Variants in MTMR1 observed in about 807,000 individuals in gnomAD.
MTMR1 encodes phosphatidylinositol-3-phosphate phosphatase MTMR1.
A neutral mutation model predicts 51.6 loss-of-function variants in MTMR1; 17 were observed. That is an observed-to-expected ratio of 0.33 (90% confidence interval 0.23 to 0.49). The LOEUF is 0.49. Ranked by LOEUF, MTMR1 falls within the 20% of genes least tolerant of loss-of-function variation. The pLI is 0.99. For missense variants in MTMR1, 386 were observed against 526.9 expected (o/e 0.73, Z 2.62); for synonymous variants, 201 against 205.6 (o/e 0.98, Z 0.19).
intron 14 of MTMR1, among the ~76,000 whole-genome samples, chrX:150,753,103 G>A (rs1285019616): frequency 8.9e-6 from 1 of 111,932 alleles, no homozygotes; most frequent in Non-Finnish European, 1.9e-5. Flanking sequence ...TATACAATAG[G>A]TGAACTTATA....
At chrX:150,749,626 G>A (rs1402204924) in intron 13 of MTMR1, among the ~76,000 whole-genome samples, 9 of 111,851 alleles carry the variant, frequency 8.0e-5, no homozygotes, top group African/African-American at 2.9e-4. Context: ...CTGGAATTCT[G>A]CAAAATCCCA....
chrX:150,731,631 A>G lies in MTMR1; in HGVS notation c.891+12A>G, dbSNP rs1557417001. 1 of 1,181,879 alleles carries G rather than the reference A, an allele frequency of 8.5e-7. No individual in the cohort carries two copies. The highest frequency in any genetic ancestry group is 1.1e-6 in the Non-Finnish European group (1 of 877,876). On this transcript the variant is annotated intron_variant, in intron 9 of 15. Transcript: ENST00000445323. ...AAGGCAGAGTCCCTGTAAGTAATAA[A>G]CATTGTCATTTATATAGGAATATAT...
At chrX:150,742,816 C>CAAAAAAA (rs1159891625) in intron 12 of MTMR1, among the ~76,000 whole-genome samples, 1 of 21,728 alleles carries the variant, frequency 4.6e-5, no homozygotes, top group Non-Finnish European at 8.5e-5. Context: ...GACTCCATCT[C>CAAAAAAA]AAAAAAAAAA....
chrX:150,709,957 A>G (rs1397201808), intron 2 of MTMR1, among the ~76,000 whole-genome samples: 1 of 112,330 alleles, frequency 8.9e-6, no homozygotes, highest in Non-Finnish European at 1.9e-5. Flanking sequence ...TTTCATAAAG[A>G]TTTTGTTGTG....
intron 6 of MTMR1, among the ~76,000 whole-genome samples, chrX:150,728,636 C>T (rs1422310900): frequency 7.2e-5 from 8 of 111,094 alleles, no homozygotes; most frequent in Admixed American, 1.9e-4. Context: ...ACTTTAATCA[C>T]GAAGTCATGT....
intron 12 of MTMR1, among the ~76,000 whole-genome samples, chrX:150,738,479 G>A (rs2042339155): frequency 8.9e-6 from 1 of 112,297 alleles, no homozygotes; most frequent in Non-Finnish European, 1.9e-5. Flanking sequence ...ACCACAGACT[G>A]CATGGTTGAA....
At chrX:150,730,291 A>T in intron 7 of MTMR1, 81 bp downstream of exon 7, 1 of 725,712 alleles carries the variant, frequency 1.4e-6, no homozygotes, top group Non-Finnish European at 1.9e-6. Flanking sequence ...CTTTTTCCAG[A>T]GGTTTTTTTT....
intron 7 of MTMR1, 49 bp downstream of exon 7, chrX:150,730,259 AAT>A: frequency 1.1e-6 from 1 of 896,416 alleles, no homozygotes; most frequent in Non-Finnish European, 1.5e-6. Flanking sequence ...TGGGGGTCCA[AAT>A]ATCCTATGTT....
At chrX:150,728,813 A>G (rs1458188095) in intron 6 of MTMR1, among the ~76,000 whole-genome samples, 5 of 109,881 alleles carry the variant, frequency 4.6e-5, no homozygotes, top group South Asian at 4.0e-4. Flanking sequence ...TTTTGATTCA[A>G]TCTCTGAAGA....
rs1213405432 is a variant in MTMR1 at position 150,697,719 on chromosome X, AG to A, written c.147-1474del. On this transcript the variant is annotated intron_variant, in intron 1 of 15. Coordinates refer to ENST00000445323, the MANE Select transcript of MTMR1 (RefSeq NM_001306144.3). ...TTCATCTGTAAAATGGGTCACTGTG[AG>A]GCTGGGCAAGGCTACGTGTGTGAAA... Among the ~76,000 whole-genome samples, 3 of 111,819 alleles carry A rather than the reference AG, an allele frequency of 2.7e-5. No individual in the cohort carries two copies. The Admixed American group carries it at 2.8e-4, about 11-fold the overall frequency.
chrX:150,714,088 A>G (rs2041411943), intron 3 of MTMR1, among the ~76,000 whole-genome samples: 1 of 112,215 alleles, frequency 8.9e-6, no homozygotes, highest in Non-Finnish European at 1.9e-5. Context: ...TTTGCCCTTT[A>G]CCAGTTTTCT....
At chrX:150,752,329 A>G (rs782033221) in intron 14 of MTMR1, among the ~76,000 whole-genome samples, 9 of 111,152 alleles carry the variant, frequency 8.1e-5, no homozygotes, top group Non-Finnish European at 1.3e-4. Context: ...GGCTTCCCTG[A>G]TTCTCTTTCT....
intron 10 of MTMR1, chrX:150,735,907 G>A: frequency 8.0e-6 from 1 of 124,620 alleles, no homozygotes; most frequent in Non-Finnish European, 1.6e-5. Flanking sequence ...CCGCAAGGCA[G>A]TGATATCCAG....
At chrX:150,762,434 C>A in intron 15 of MTMR1, 131 bp from the exon 16 acceptor site, 1 of 839,426 alleles carries the variant, frequency 1.2e-6, no homozygotes, top group Non-Finnish European at 1.7e-6. Context: ...GATCGGTCAA[C>A]GCCTCAGGAG....
chrX:150,693,745 C>T (rs1238411645), intron 1 of MTMR1, 69 bp downstream of exon 1: 62 of 689,536 alleles, frequency 9.0e-5, no homozygotes, highest in Non-Finnish European at 1.1e-4. Context: ...GAGGCCAGCC[C>T]GCCCCCTCCC....
intron 4 of MTMR1, among the ~76,000 whole-genome samples, chrX:150,724,195 C>T (rs782000692): frequency 8.9e-6 from 1 of 111,805 alleles, no homozygotes; most frequent in East Asian, 2.8e-4. Context: ...TACACTCCTA[C>T]CAACAGTGTG....
Position 150,718,616 on chromosome X carries a change from T to TGCCAGGC in MTMR1, c.277-9_277-8insGCCAGGC. Reference sequence around the variant, plus strand: ...TTTTTTTTTTTTTTTTTTTTTTTTTTTTTGCCAGGCTCTAAGGGATGGAAA... The same window carrying TGCCAGGC: ...TTTTTTTTTTTTTTTTTTTTTTTTTTGCCAGGCTTTGCCAGGCTCTAAGGGATGGAAA... On this transcript the variant is annotated splice_polypyrimidine_tract_variant and intron_variant, in intron 3 of 15. Coordinates refer to ENST00000445323, the MANE Select transcript of MTMR1 (RefSeq NM_001306144.3). 1.5e-6 allele frequency: 1 copy of TGCCAGGC among 656,630 alleles called. No individual in the cohort carries two copies. Among genetic ancestry groups the TGCCAGGC allele is most frequent in the Non-Finnish European group, 2.1e-6 (1 of 482,346 alleles). The allele number at this position is 656,630 out of a possible 1,213,427, so 54.1% of individuals were successfully genotyped here.
intron 2 of MTMR1, among the ~76,000 whole-genome samples, chrX:150,699,950 G>A (rs1196956307): frequency 1.8e-5 from 2 of 112,131 alleles, no homozygotes; most frequent in East Asian, 5.6e-4. Context: ...CAAAAAAATC[G>A]CTTGTTCCAT....
chrX:150,743,471 AT>A (rs1261412581), intron 12 of MTMR1, among the ~76,000 whole-genome samples: 7 of 112,254 alleles, frequency 6.2e-5, no homozygotes, highest in Non-Finnish European at 9.4e-5. Flanking sequence ...CACAATTAAA[AT>A]TTTTTTTATA....
Sources: gnomAD v4.1 joint callset for allele counts (sites outside exome capture counted in the v4.1 genomes callset) on GRCh38, gnomAD v4.1.1 for gene constraint, MANE v1.5 for transcripts, NCBI Gene and HGNC (gene_info 2026-07-23, HGNC 2026-07-21) for gene names.